The following DSCAML1 variants were observed in gnomAD, a reference collection of about 807,000 sequenced individuals.
DSCAML1 encodes DS cell adhesion molecule like 1, also known as cell adhesion molecule DSCAML1.
DSCAML1 carries 38 observed loss-of-function variants against 200.5 expected under a neutral mutation model. The observed-to-expected ratio is 0.19, with a 90% CI of 0.15 to 0.25. The LOEUF is 0.25. DSCAML1 is among the 10% of genes least tolerant of loss of function. The pLI is 1.00. For synonymous variants in DSCAML1, 1,215 were observed against 1,165.0 expected (o/e 1.04, Z -0.87); for missense variants, 2,223 against 2,858.8 (o/e 0.78, Z 5.07).
At chr11:117,625,905 T>C (rs1398875265) in intron 3 of DSCAML1, among the ~76,000 whole-genome samples, 1 of 152,196 alleles carries the variant, frequency 6.6e-6, no homozygotes, top group East Asian at 1.9e-4. Context: ...CCTGGGGCTG[T>C]GGCAGTCTAT....
intron 19 of DSCAML1, among the ~76,000 whole-genome samples, chr11:117,456,671 C>CT (rs10661996): frequency 0.1 from 14,599 of 142,006 alleles, 966 homozygotes; most frequent in Admixed American, 0.17. Flanking sequence ...GCAGTCATTT[C>CT]TTTTTTTTTT....
In DSCAML1 at chr11:117,797,109, G is replaced by T; in HGVS notation, c.-30C>A. The T allele has an allele frequency of 6.3e-7, 1 of 1,589,562 alleles. No individual in the cohort carries two copies. Among genetic ancestry groups the T allele is most frequent in the Non-Finnish European group, 8.6e-7 (1 of 1,168,714 alleles). On this transcript the variant is annotated 5_prime_UTR_variant, in exon 1 of 33. Coordinates refer to ENST00000651296, the MANE Select transcript of DSCAML1 (RefSeq NM_020693.4). ...TAAAGAGGCCCTATTCTCCGGGGAG[G>T]TGGTCCTGTGGCCGGCCGTGCGGCA... is the stretch of plus-strand genomic sequence containing the variant.
At chr11:117,584,445 G>A (rs2051105475) in intron 3 of DSCAML1, among the ~76,000 whole-genome samples, 2 of 152,276 alleles carry the variant, frequency 1.3e-5, no homozygotes, top group South Asian at 4.1e-4. Context: ...CTGCATTCAG[G>A]CCTGTATCAA....
intron 3 of DSCAML1, among the ~76,000 whole-genome samples, chr11:117,577,798 C>T (rs554989094): frequency 6.6e-6 from 1 of 151,372 alleles, no homozygotes; most frequent in African/African-American, 2.4e-5. Context: ...AACTACTGAC[C>T]TCAAGTGATC....
intron 2 of DSCAML1, among the ~76,000 whole-genome samples, chr11:117,778,202 G>A (rs1279367560): frequency 1.3e-5 from 2 of 152,240 alleles, no homozygotes; most frequent in East Asian, 1.9e-4. Flanking sequence ...TGGTTGAGGT[G>A]GAAGAAAGAG....
chr11:117,465,206 G>GCC, intron 16 of DSCAML1, 24 bp from the exon 17 acceptor site: 1 of 1,566,114 alleles, frequency 6.4e-7, no homozygotes, highest in Non-Finnish European at 8.8e-7. Flanking sequence ...GTGGGGGTGG[G>GCC]CACAAAGAAA....
chr11:117,644,968 C>T (rs561069665), intron 3 of DSCAML1, among the ~76,000 whole-genome samples: 215 of 152,338 alleles, frequency 1.4e-3, no homozygotes, highest in African/African-American at 5.0e-3. Flanking sequence ...CCCCGCAGGC[C>T]GCCTCAGAGT....
At chr11:117,449,760 C>T (rs548718197) in intron 20 of DSCAML1, among the ~76,000 whole-genome samples, 3 of 152,226 alleles carry the variant, frequency 2.0e-5, no homozygotes, top group Non-Finnish European at 4.4e-5. Context: ...CTCCTGCTCC[C>T]GTACCTAGAA....
rs372846177 is a variant in DSCAML1 at position 117,753,593 on chromosome 11, A to G, written c.511+23198T>C. Among the ~76,000 whole-genome samples the G allele has an allele frequency of 1.2e-4, 18 of 152,338 alleles. No homozygotes were observed. The South Asian group carries it at 3.5e-3, about 30-fold the overall frequency. On this transcript the variant is annotated intron_variant, in intron 3 of 32. Transcript: ENST00000651296. ...ATACCTCTGTGGCCTTCAAACACTGAGCATAACATGAGCTGATGTAGGCAC... is the reference window on the plus strand; with the variant it reads ...ATACCTCTGTGGCCTTCAAACACTGGGCATAACATGAGCTGATGTAGGCAC...
rs1293886436 is a variant in DSCAML1 at position 117,461,549 on chromosome 11, C to T, written c.3313G>A (p.Asp1105Asn). The T allele has an allele frequency of 1.9e-6, 3 of 1,614,112 alleles. No individual in the cohort carries two copies. Among genetic ancestry groups the T allele is most frequent in the South Asian group, 2.2e-5 (2 of 91,084 alleles). ...ENVRALSITS[D>N]VAVISWSEPP... ...TCTGACCAGGAGATGACGGCCACGT[C>T]AGAAGTGATGGACAGGGCCCGGACG... Residue 1105 changes from aspartate (D) to asparagine (N), a missense_variant, in exon 18 of 33, where the codon GAC becomes AAC. By Grantham distance (23) the Asp-to-Asn change is conservative (BLOSUM62 1). This residue lies in a region of DSCAML1 where 438 missense variants were observed against 629.7 expected (regional missense o/e 0.70). Coordinates refer to ENST00000651296, the MANE Select transcript of DSCAML1 (RefSeq NM_020693.4).
chr11:117,619,076 C>A (rs1051932306), intron 3 of DSCAML1, among the ~76,000 whole-genome samples: 3 of 152,230 alleles, frequency 2.0e-5, no homozygotes, highest in African/African-American at 7.2e-5. Flanking sequence ...CCCTCCCCAG[C>A]TCCACTTTTG....
intron 4 of DSCAML1, 43 bp downstream of exon 4, chr11:117,532,333 C>A: frequency 6.3e-7 from 1 of 1,589,286 alleles, no homozygotes. Context: ...CTGGTGTCCT[C>A]CCTTCCCAGC....
intron 3 of DSCAML1, among the ~76,000 whole-genome samples, chr11:117,710,208 C>T (rs553229302): frequency 1.3e-5 from 2 of 152,292 alleles, no homozygotes; most frequent in African/African-American, 2.4e-5. Flanking sequence ...GATGTCCCTG[C>T]TAATCATAAA....
At chr11:117,663,772 A>G (rs1021685192) in intron 3 of DSCAML1, among the ~76,000 whole-genome samples, 1 of 152,234 alleles carries the variant, frequency 6.6e-6, no homozygotes, top group East Asian at 1.9e-4. Context: ...GACTGAGTAC[A>G]GGGGGGCTGG....
At chr11:117,574,164 CT>C (rs1329017528) in intron 3 of DSCAML1, among the ~76,000 whole-genome samples, 2 of 152,216 alleles carry the variant, frequency 1.3e-5, no homozygotes, top group Non-Finnish European at 2.9e-5. Flanking sequence ...ACTTTCTCCC[CT>C]GGGGGATCCA....
At chr11:117,745,227 C>CT (rs1555025354) in intron 3 of DSCAML1, among the ~76,000 whole-genome samples, 1 of 143,428 alleles carries the variant, frequency 7.0e-6, no homozygotes, top group Non-Finnish European at 1.5e-5. Context: ...CTACCTGGGG[C>CT]GGGGGTGGCT....
At chr11:117,704,757 T>C (rs2053730068) in intron 3 of DSCAML1, among the ~76,000 whole-genome samples, 1 of 152,148 alleles carries the variant, frequency 6.6e-6, no homozygotes, top group Non-Finnish European at 1.5e-5. Flanking sequence ...TTAATAACTG[T>C]TTTAATTGTA....
At chr11:117,655,114 G>A (rs1458455731) in intron 3 of DSCAML1, among the ~76,000 whole-genome samples, 1 of 152,216 alleles carries the variant, frequency 6.6e-6, no homozygotes, top group Non-Finnish European at 1.5e-5. Context: ...CCTGGGCATG[G>A]GGCCAGCTCA....
At chr11:117,449,367 A>AGT (rs975563659) in intron 20 of DSCAML1, among the ~76,000 whole-genome samples, 46 of 152,120 alleles carry the variant, frequency 3.0e-4, no homozygotes, top group African/African-American at 1.1e-3. Context: ...GTGAGGATGG[A>AGT]GTGGGGGGCC....
Sources: allele counts gnomAD v4.1 joint callset (sites outside exome capture counted in the v4.1 genomes callset), GRCh38; gene constraint gnomAD v4.1.1; regional missense constraint gnomAD v4.1.1; transcripts MANE v1.5; gene names NCBI Gene and HGNC (gene_info 2026-07-23, HGNC 2026-07-21).